Variants in LEF1 observed in about 807,000 individuals in gnomAD.
LEF1 encodes lymphoid enhancer-binding factor 1.
Under a neutral mutation model 51.2 loss-of-function variants are expected in LEF1, and 14 were observed. That is an observed-to-expected ratio of 0.27 (90% confidence interval 0.18 to 0.43). The LOEUF is 0.43. Among genes scored for constraint, LEF1 ranks in the 20% least tolerant of loss-of-function variants. The pLI is 1.00. For missense variants in LEF1, 386 were observed against 512.0 expected (o/e 0.75, Z 2.37); for synonymous variants, 185 against 183.2 (o/e 1.01, Z -0.08).
At chr4:108,064,408 C>T in intron 9 of LEF1, 24 bp from the exon 10 acceptor site, 1 of 1,574,258 alleles carries the variant, frequency 6.4e-7, no homozygotes, top group Non-Finnish European at 8.7e-7. Context: ...GGTATACTGT[C>T]ATGTCACAGA....
At chr4:108,058,597 G>A (rs895062040) in intron 11 of LEF1, among the ~76,000 whole-genome samples, 1 of 152,112 alleles carries the variant, frequency 6.6e-6, no homozygotes, top group East Asian at 1.9e-4. Flanking sequence ...GACAGCTCGA[G>A]TGCTATCTAC....
chr4:108,168,823 G>C lies in LEF1; in HGVS notation c.-1056C>G, dbSNP rs957498539. The C allele has an allele frequency of 6.6e-6, 1 of 152,234 alleles. No individual in the cohort carries two copies. Among genetic ancestry groups the C allele is most frequent in the African/African-American group, 2.4e-5 (1 of 41,478 alleles). 9.4% of individuals were successfully genotyped at this position (152,234 alleles called of 1,614,324 possible). ...GAGGGGACGCCCCGAGCTTGGCCGC[G>C]TGCGAGGCTCCGGGCGCGTCCTGGT... On this transcript the variant is annotated 5_prime_UTR_variant, in exon 1 of 12. Transcript: ENST00000265165. The surrounding 1 kb of genome is among the most constrained non-coding windows in gnomAD (Gnocchi z 4.6).
At chr4:108,115,512 T>C (rs1741778043) in intron 3 of LEF1, among the ~76,000 whole-genome samples, 1 of 152,120 alleles carries the variant, frequency 6.6e-6, no homozygotes, top group South Asian at 2.1e-4. Context: ...ATCTCAAAAA[T>C]AAATAGTAGC....
intron 8 of LEF1, chr4:108,073,026 A>G (rs908008258): frequency 6.6e-6 from 1 of 152,262 alleles, no homozygotes; most frequent in African/African-American, 2.4e-5. Flanking sequence ...TTCCCACCGC[A>G]GCACTGAGCT....
rs1742769602 is a variant in LEF1 at position 108,129,980 on chromosome 4, G to C, written c.414+33588C>G. ...ACATGGTCCTCTTAAGCTGTGTTAT[G>C]AGTAACGATACTATTTACAGGGTGA... On this transcript the variant is annotated intron_variant, in intron 3 of 11. Coordinates refer to ENST00000265165, the MANE Select transcript of LEF1 (RefSeq NM_016269.5). 2.0e-5 allele frequency among the ~76,000 whole-genome samples: 3 copies of C among 152,172 alleles called. No individual in the cohort carries two copies. In the South Asian group the frequency reaches 6.2e-4, roughly 31 times the overall value.
intron 3 of LEF1, among the ~76,000 whole-genome samples, chr4:108,103,988 C>G (rs1740983056): frequency 6.6e-6 from 1 of 152,070 alleles, no homozygotes; most frequent in Non-Finnish European, 1.5e-5. Flanking sequence ...ATGTTAAAAA[C>G]TGAAAACAAC....
intron 2 of LEF1, among the ~76,000 whole-genome samples, chr4:108,164,242 A>G (rs1745248324): frequency 6.6e-6 from 1 of 152,118 alleles, no homozygotes. Flanking sequence ...TAACTCTGGG[A>G]GGCTTAATTT....
intron 3 of LEF1, among the ~76,000 whole-genome samples, chr4:108,148,863 A>G (rs890139746): frequency 6.6e-6 from 1 of 152,198 alleles, no homozygotes; most frequent in African/African-American, 2.4e-5. Flanking sequence ...ATGAGGGTCA[A>G]AAGAGCTGTA....
chr4:108,110,688 G>A (rs1019183117), intron 3 of LEF1, among the ~76,000 whole-genome samples: 2 of 152,106 alleles, frequency 1.3e-5, no homozygotes, highest in African/African-American at 2.4e-5. Flanking sequence ...CTCAAACCTC[G>A]ACCCTGCTCC....
chr4:108,064,858 A>T (rs1737965298), intron 9 of LEF1, among the ~76,000 whole-genome samples: 1 of 151,918 alleles, frequency 6.6e-6, no homozygotes, highest in Admixed American at 6.6e-5. Context: ...CTTAGAACCC[A>T]CTTCTGGTAG....
At position 108,079,564 on chromosome 4, in the gene LEF1, A is replaced by G; in HGVS notation, c.773T>C (p.Ile258Thr). The G allele has an allele frequency of 6.2e-7, 1 of 1,613,922 alleles. No homozygotes were observed. The highest frequency in any genetic ancestry group is 8.5e-7 in the Non-Finnish European group (1 of 1,179,808). Residue 258 changes from isoleucine (I) to threonine (T), a missense_variant, in exon 7 of 12, where the codon ATC (isoleucine) becomes ACC (threonine). By Grantham distance (89) the Ile-to-Thr change is moderately conservative. Around this residue, in one of 2 missense-constraint regions of LEF1, gnomAD observed 335 missense variants for 390.7 expected, o/e 0.86. Coordinates refer to ENST00000265165, the MANE Select transcript of LEF1 (RefSeq NM_016269.5). ...PGPPGPHTTG[I>T]PHPAIVTPQV... The stretch of plus-strand genomic sequence containing the variant: ...AGGTGTTACAATAGCTGGATGAGGG[A>G]TGCCAGTTGTGTGGGGACCAGGAGG...
In LEF1 at chr4:108,168,516, AG is replaced by A. The variant is rs1329612025; in HGVS notation, c.-750del. 2.0e-5 allele frequency: 3 copies of A among 152,238 alleles called. No individual in the cohort carries two copies. The highest frequency in any genetic ancestry group is 7.2e-5 in the African/African-American group (3 of 41,456). The allele number at this position is 152,238 out of a possible 1,614,324, so 9.4% of individuals were successfully genotyped here. A position where few individuals can be genotyped will look rare whatever the true frequency, so the allele number is the denominator to read the frequency against. ...GAGCAGAAGATGGGGGCCGAGGAGG[AG>A]GGGAAGAGAAAGAGAAGTTTGCCAA... On this transcript the variant is annotated 5_prime_UTR_variant, in exon 1 of 12. Coordinates refer to ENST00000265165, the MANE Select transcript of LEF1 (RefSeq NM_016269.5). This position sits in a 1 kb window ranked among gnomAD's most constrained non-coding sequence, Gnocchi z 4.6.
chr4:108,084,118 G>GTACA (rs1578322486), intron 4 of LEF1, among the ~76,000 whole-genome samples: 1 of 152,176 alleles, frequency 6.6e-6, no homozygotes, highest in East Asian at 1.9e-4. Context: ...AGTCCCTGGA[G>GTACA]TACACTGCCC....
chr4:108,083,505 G>T, intron 4 of LEF1, 59 bp from the exon 5 acceptor site: 1 of 1,080,270 alleles, frequency 9.3e-7, no homozygotes. Flanking sequence ...AACCAGAAAT[G>T]CAACTACATG....
intron 3 of LEF1, among the ~76,000 whole-genome samples, chr4:108,153,877 A>G (rs1566746): frequency 0.98 from 149,965 of 152,280 alleles, 73,842 homozygotes; most frequent in East Asian, 1. Flanking sequence ...AGTTGGTGGC[A>G]AAAAAGCAAG....
intron 11 of LEF1, among the ~76,000 whole-genome samples, chr4:108,060,386 A>G (rs1434095647): frequency 3.3e-5 from 5 of 152,174 alleles, no homozygotes; most frequent in African/African-American, 1.2e-4. Context: ...GACTTGAGGG[A>G]GAGACAGACA....
intron 3 of LEF1, among the ~76,000 whole-genome samples, chr4:108,146,791 T>C (rs1280542200): frequency 6.6e-6 from 1 of 152,236 alleles, no homozygotes; most frequent in African/African-American, 2.4e-5. Flanking sequence ...GCACTTCACA[T>C]ATTGGATTAG....
intron 3 of LEF1, among the ~76,000 whole-genome samples, chr4:108,095,313 C>T (rs1380230256): frequency 3.9e-5 from 6 of 152,156 alleles, no homozygotes; most frequent in East Asian, 1.9e-4. Context: ...ATTACAGTAG[C>T]GCTTTTATAT....
intron 9 of LEF1, among the ~76,000 whole-genome samples, chr4:108,069,060 A>C (rs1164545420): frequency 2.0e-5 from 3 of 152,148 alleles, no homozygotes; most frequent in East Asian, 1.9e-4. Context: ...TCATAGCCTA[A>C]GCAAGGAGCT....
Sources: gnomAD v4.1 joint callset for allele counts (sites outside exome capture counted in the v4.1 genomes callset) on GRCh38, gnomAD v4.1.1 for gene constraint, gnomAD v4.1.1 regional missense constraint, Gnocchi (gnomAD v3.1) non-coding constraint, MANE v1.5 for transcripts, NCBI Gene and HGNC (gene_info 2026-07-23, HGNC 2026-07-21) for gene names.